Variants in ARHGAP8 observed in about 807,000 individuals in gnomAD.
ARHGAP8 encodes the protein rho GTPase-activating protein 8.
ARHGAP8 carries 62 observed loss-of-function variants against 46.1 expected under a neutral mutation model. The ratio of observed to expected loss-of-function variants is 1.34; its 90% CI spans 1.10 to 1.66. The LOEUF is 1.66. Ranked by LOEUF, ARHGAP8 falls within the 40% of genes most tolerant of loss-of-function variation. The pLI, the probability that ARHGAP8 is intolerant of heterozygous loss-of-function variation, is 0.00. For missense variants in ARHGAP8, 923 were observed against 568.4 expected (o/e 1.62, Z -6.34); for synonymous variants, 375 against 243.1 (o/e 1.54, Z -5.05).
At chr22:44,770,455 G>C (rs1925917197) in intron 1 of ARHGAP8, among the ~76,000 whole-genome samples, 1 of 151,640 alleles carries the variant, frequency 6.6e-6, no homozygotes, top group Admixed American at 6.6e-5. Flanking sequence ...ACCCAGGCTG[G>C]AGTGCAGTGA....
At chr22:44,761,018 G>A (rs1000799672) in intron 1 of ARHGAP8, among the ~76,000 whole-genome samples, 8 of 152,180 alleles carry the variant, frequency 5.3e-5, no homozygotes, top group Admixed American at 3.3e-4. Context: ...CAGGAGAAAG[G>A]GCCCACTTGT....
chr22:44,798,378 G>C (rs1928246745), intron 2 of ARHGAP8, among the ~76,000 whole-genome samples: 1 of 152,144 alleles, frequency 6.6e-6, no homozygotes, highest in Non-Finnish European at 1.5e-5. Context: ...CCAAAATGCT[G>C]CTGGGATTAC....
intron 11 of ARHGAP8, among the ~76,000 whole-genome samples, chr22:44,862,055 G>C (rs1287998692): frequency 1.3e-5 from 2 of 152,186 alleles, no homozygotes; most frequent in African/African-American, 2.4e-5. Context: ...AGAGCCAGAG[G>C]GTCCTCCAGG....
intron 10 of ARHGAP8, among the ~76,000 whole-genome samples, chr22:44,853,950 C>T (rs1215022182): frequency 6.9e-6 from 1 of 144,458 alleles, no homozygotes; most frequent in Non-Finnish European, 1.5e-5. Flanking sequence ...TCGCTTGAAC[C>T]CGGGAGGCAG....
intron 6 of ARHGAP8, among the ~76,000 whole-genome samples, chr22:44,824,046 G>A (rs576094336): frequency 6.6e-6 from 1 of 152,260 alleles, no homozygotes; most frequent in East Asian, 1.9e-4. Flanking sequence ...TAGACTGGGG[G>A]TGGGGCTGAG....
rs77427415 is a variant in ARHGAP8, at chr22:44,857,215, T to A, written c.878-2516T>A. ...TCGGCCTCTGAAAGTGCTGGTATTA[T>A]AGGTGTGAGCCACCACGACCAGTCT... is the stretch of plus-strand genomic sequence containing the variant. On this transcript the variant is annotated intron_variant, in intron 10 of 11. Transcript: ENST00000356099. Among the ~76,000 whole-genome samples the A allele has an allele frequency of 3.2e-4, 35 of 110,316 alleles. 1 individual carries two copies. Among genetic ancestry groups the A allele is most frequent in the African/African-American group, 3.7e-4 (8 of 21,626 alleles). 72.4% of individuals were successfully genotyped at this position (110,316 alleles called of 152,430 possible). A position where few individuals can be genotyped will look rare whatever the true frequency, so the allele number is the denominator to read the frequency against.
At chr22:44,860,502 G>C (rs943580960) in intron 11 of ARHGAP8, among the ~76,000 whole-genome samples, 3 of 151,392 alleles carry the variant, frequency 2.0e-5, no homozygotes, top group African/African-American at 2.4e-5. Flanking sequence ...ATGTCACTGG[G>C]TTTAGGACCC....
chr22:44,857,574 T>G (rs557103818), intron 10 of ARHGAP8, among the ~76,000 whole-genome samples: 1 of 152,110 alleles, frequency 6.6e-6, no homozygotes, highest in East Asian at 1.9e-4. Context: ...TGGAGAGGCG[T>G]GGGAAGTGCG....
chr22:44,817,440 C>T (rs1033042707), intron 5 of ARHGAP8, among the ~76,000 whole-genome samples: 5 of 152,230 alleles, frequency 3.3e-5, no homozygotes, highest in Admixed American at 6.5e-5. Flanking sequence ...GCCCAGCACC[C>T]TTGTGCCCTA....
At chr22:44,845,389 G>A in intron 8 of ARHGAP8, 47 bp downstream of exon 8, 1 of 1,611,944 alleles carries the variant, frequency 6.2e-7, no homozygotes, top group Non-Finnish European at 8.5e-7. Context: ...GCTGCTGGGT[G>A]CACCTCTCTG....
At chr22:44,849,228 CA>C in intron 10 of ARHGAP8, 168 bp downstream of exon 10, 1 of 1,282,310 alleles carries the variant, frequency 7.8e-7, no homozygotes, top group Non-Finnish European at 1.1e-6. Flanking sequence ...GGGCTGCCCC[CA>C]CCATGCACAG....
At chr22:44,808,091 C>T (rs1018617886) in intron 3 of ARHGAP8, among the ~76,000 whole-genome samples, 1 of 152,190 alleles carries the variant, frequency 6.6e-6, no homozygotes, top group Admixed American at 6.5e-5. Context: ...ACCACATCCA[C>T]TTACTAGCTG....
chr22:44,827,312 G>T (rs1011224803), intron 7 of ARHGAP8, among the ~76,000 whole-genome samples: 1 of 144,900 alleles, frequency 6.9e-6, no homozygotes, highest in Non-Finnish European at 1.5e-5. Context: ...CCAGGATGTG[G>T]TGAGATAATA....
chr22:44,781,713 C>G (rs183999296), intron 1 of ARHGAP8, among the ~76,000 whole-genome samples: 28 of 152,090 alleles, frequency 1.8e-4, no homozygotes, highest in Non-Finnish European at 2.9e-4. Context: ...TTAGTAGAAA[C>G]AGGGATTCAC....
chr22:44,831,853 T>C (rs1602239005), intron 7 of ARHGAP8, among the ~76,000 whole-genome samples: 3 of 152,260 alleles, frequency 2.0e-5, no homozygotes, highest in East Asian at 3.8e-4. Flanking sequence ...CAATCTTGAT[T>C]ACTGTAGCTT....
At chr22:44,797,970 G>A (rs1422056038) in intron 2 of ARHGAP8, among the ~76,000 whole-genome samples, 1 of 146,626 alleles carries the variant, frequency 6.8e-6, no homozygotes, top group Non-Finnish European at 1.5e-5. Flanking sequence ...ACCGCACCTG[G>A]CCAATAAGAT....
intron 1 of ARHGAP8, among the ~76,000 whole-genome samples, chr22:44,767,760 G>T (rs1394995797): frequency 6.6e-6 from 1 of 150,570 alleles, no homozygotes; most frequent in African/African-American, 2.4e-5. Flanking sequence ...GTAATCCCAG[G>T]TACTCAGGAG....
intron 4 of ARHGAP8, chr22:44,808,643 T>A (rs1277371614): frequency 4.6e-5 from 43 of 933,582 alleles, no homozygotes; most frequent in Middle Eastern, 4.9e-4. Flanking sequence ...GGCACTCATT[T>A]TTTTTTTTCT....
intron 10 of ARHGAP8, among the ~76,000 whole-genome samples, chr22:44,859,287 A>C (rs1486919151): frequency 6.6e-6 from 1 of 152,154 alleles, no homozygotes; most frequent in Non-Finnish European, 1.5e-5. Flanking sequence ...CAGATACCTC[A>C]TGGGTTGGTG....
Sources: gnomAD v4.1 joint callset for allele counts (sites outside exome capture counted in the v4.1 genomes callset) on GRCh38, gnomAD v4.1.1 for gene constraint, MANE v1.5 for transcripts, NCBI Gene and HGNC (gene_info 2026-07-23, HGNC 2026-07-21) for gene names.